Variants in FRMD4A observed in about 807,000 individuals in gnomAD.
FRMD4A encodes the protein FERM domain containing 4A, also known as FERM domain-containing protein 4A.
A neutral mutation model predicts 129.1 loss-of-function variants in FRMD4A; 29 were observed. That is an observed-to-expected ratio of 0.22 (90% confidence interval 0.17 to 0.31). FRMD4A has a LOEUF of 0.31. Ranked by LOEUF, FRMD4A falls within the 10% of genes least tolerant of loss-of-function variation. The pLI, the probability that FRMD4A is intolerant of heterozygous loss-of-function variation, is 1.00. For missense variants in FRMD4A, 1,272 were observed against 1,375.8 expected (o/e 0.92, Z 1.19); for synonymous variants, 634 against 571.6 (o/e 1.11, Z -1.56).
chr10:13,910,888 GAAAAAAAAAAAAAAAAAAAAAAAA>G (rs141449954), intron 2 of FRMD4A, among the ~76,000 whole-genome samples: 1 of 83,100 alleles, frequency 1.2e-5, no homozygotes, highest in Admixed American at 1.4e-4. Context: ...GGAGTTTCAT[GAAAAAAAAAAAAAAAAAAAAAAAA>G]AAAAAAAAAA....
At position 13,925,989 on chromosome 10, in the gene FRMD4A, T is replaced by C. The variant is rs150804527; in HGVS notation, c.46-67077A>G. Among the ~76,000 whole-genome samples, 433 of 152,034 alleles carry C rather than the reference T, an allele frequency of 2.8e-3. 3 individuals carry two copies. The highest frequency in any genetic ancestry group is 0.011 in the South Asian group (54 of 4,808). On this transcript the variant is annotated intron_variant, in intron 2 of 24. Transcript: ENST00000357447. ...GATTGAATTTGGTGTGTGCTAAAAATTTGCTGCTCAAGGAAATCAACTTTT... is the reference window on the plus strand; with the variant it reads ...GATTGAATTTGGTGTGTGCTAAAAACTTGCTGCTCAAGGAAATCAACTTTT...
At position 14,195,622 on chromosome 10, in the gene FRMD4A, C is replaced by T. The variant is rs369376223; in HGVS notation, c.45+134436G>A. Among the ~76,000 whole-genome samples the T allele has an allele frequency of 2.6e-5, 4 of 152,206 alleles. No homozygotes were observed. The East Asian group carries it at 5.8e-4, about 22-fold the overall frequency. On this transcript the variant is annotated intron_variant, in intron 2 of 24. Coordinates refer to ENST00000357447, the MANE Select transcript of FRMD4A (RefSeq NM_018027.5). ...CTCTTCGTGCAGTGAGCTCTCCAGG[C>T]GTCCCCCGTTGCAGGGGGAATCAAG...
chr10:14,135,507 G>T (rs893676134), intron 2 of FRMD4A, among the ~76,000 whole-genome samples: 1 of 152,186 alleles, frequency 6.6e-6, no homozygotes, highest in African/African-American at 2.4e-5. Context: ...AATCTGCTGT[G>T]ATTCTGGGGG....
intron 2 of FRMD4A, among the ~76,000 whole-genome samples, chr10:14,230,583 T>C (rs1843605207): frequency 6.6e-6 from 1 of 152,254 alleles, no homozygotes; most frequent in South Asian, 2.1e-4. Flanking sequence ...ATTGGTACTC[T>C]TAATTCCTGA....
chr10:13,693,090 C>T (rs1035911480), intron 15 of FRMD4A: 3 of 147,114 alleles, frequency 2.0e-5, no homozygotes, highest in Non-Finnish European at 4.4e-5. Flanking sequence ...CCAGGCTGGT[C>T]TTAAACTCCC....
At chr10:13,700,813 G>A (rs1003573302) in intron 14 of FRMD4A, among the ~76,000 whole-genome samples, 9 of 113,734 alleles carry the variant, frequency 7.9e-5, no homozygotes, top group East Asian at 2.8e-4. Context: ...GGGAAACAGG[G>A]TAGTTGCTTT....
intron 2 of FRMD4A, among the ~76,000 whole-genome samples, chr10:14,192,220 T>C (rs1358503953): frequency 6.6e-6 from 1 of 152,240 alleles, no homozygotes; most frequent in African/African-American, 2.4e-5. Flanking sequence ...TATCTAATTC[T>C]CCACTTTTTT....
intron 2 of FRMD4A, among the ~76,000 whole-genome samples, chr10:14,263,008 A>G (rs964745090): frequency 6.6e-6 from 1 of 152,202 alleles, no homozygotes; most frequent in Non-Finnish European, 1.5e-5. Context: ...AGAGGGGGAA[A>G]TACACCAGGT....
At chr10:13,922,577 A>C (rs1341048021) in intron 2 of FRMD4A, among the ~76,000 whole-genome samples, 2 of 152,212 alleles carry the variant, frequency 1.3e-5, no homozygotes, top group East Asian at 3.8e-4. Context: ...AGTCTGCTCT[A>C]AAAATAAAAA....
At chr10:13,823,227 G>A (rs974370093) in intron 3 of FRMD4A, among the ~76,000 whole-genome samples, 1 of 152,148 alleles carries the variant, frequency 6.6e-6, no homozygotes, top group Non-Finnish European at 1.5e-5. Flanking sequence ...CGGCTGGGGA[G>A]CCTGCTCTAT....
intron 2 of FRMD4A, among the ~76,000 whole-genome samples, chr10:14,167,833 G>A (rs149010318): frequency 2.6e-4 from 39 of 152,174 alleles, no homozygotes; most frequent in African/African-American, 9.2e-4. Flanking sequence ...AGGAGAGCGC[G>A]CTGTAAGATT....
chr10:14,318,081 C>G (rs1378121647), intron 2 of FRMD4A, among the ~76,000 whole-genome samples: 1 of 152,138 alleles, frequency 6.6e-6, no homozygotes, highest in Non-Finnish European at 1.5e-5. Flanking sequence ...AGGTAATGTT[C>G]ATGTTTCCCC....
chr10:13,711,502 C>G (rs1353139329), intron 12 of FRMD4A, among the ~76,000 whole-genome samples: 1 of 152,242 alleles, frequency 6.6e-6, no homozygotes, highest in Non-Finnish European at 1.5e-5. Context: ...CCAACACACT[C>G]TGCCTCTCCG....
chr10:14,124,339 T>A (rs532212094), intron 2 of FRMD4A, among the ~76,000 whole-genome samples: 1 of 152,276 alleles, frequency 6.6e-6, no homozygotes. Flanking sequence ...GCAGGATACC[T>A]GCTATTACCC....
intron 2 of FRMD4A, among the ~76,000 whole-genome samples, chr10:14,056,227 T>A (rs1379009805): frequency 6.6e-6 from 1 of 152,096 alleles, no homozygotes; most frequent in African/African-American, 2.4e-5. Context: ...AGATAGGGTT[T>A]CTCCATGTTG....
At chr10:14,155,502 G>T (rs1304946470) in intron 2 of FRMD4A, among the ~76,000 whole-genome samples, 1 of 149,520 alleles carries the variant, frequency 6.7e-6, no homozygotes, top group South Asian at 2.1e-4. Context: ...CCCATGTGGC[G>T]ATTCTCCTTC....
At chr10:13,814,681 AAGAG>A (rs1007319063) in intron 3 of FRMD4A, among the ~76,000 whole-genome samples, 7 of 151,410 alleles carry the variant, frequency 4.6e-5, no homozygotes, top group Admixed American at 1.3e-4. Context: ...AAGAGAAAGA[AAGAG>A]AGAGAGAAAA....
intron 4 of FRMD4A, among the ~76,000 whole-genome samples, chr10:13,805,145 CT>C (rs199734727): frequency 6.0e-5 from 9 of 149,416 alleles, no homozygotes; most frequent in East Asian, 3.9e-4. Context: ...TCTTTTCTTT[CT>C]TTTTTTTTTC....
intron 2 of FRMD4A, among the ~76,000 whole-genome samples, chr10:14,262,620 A>G (rs1844844286): frequency 6.6e-6 from 1 of 152,176 alleles, no homozygotes; most frequent in Non-Finnish European, 1.5e-5. Context: ...AGAGCTCATG[A>G]GTTAAAGACA....
Sources: gnomAD v4.1 joint callset for allele counts (sites outside exome capture counted in the v4.1 genomes callset) on GRCh38, gnomAD v4.1.1 for gene constraint, MANE v1.5 for transcripts, NCBI Gene and HGNC (gene_info 2026-07-23, HGNC 2026-07-21) for gene names.